Variants in ACVR1 observed in about 807,000 individuals in gnomAD.
ACVR1 encodes the protein activin receptor type-1.
A neutral mutation model predicts 57.1 loss-of-function variants in ACVR1; 38 were observed. That is an observed-to-expected ratio of 0.67 (90% CI 0.51 to 0.87). The LOEUF (loss-of-function observed/expected upper bound fraction) is 0.87. Among genes scored for constraint, ACVR1 ranks in the 40% least tolerant of loss-of-function variants. ACVR1 has a pLI of 0.00. For synonymous variants in ACVR1, 212 were observed against 228.1 expected, an observed-to-expected ratio of 0.93 and a Z score of 0.63; for missense variants, 463 against 638.2, an observed-to-expected ratio of 0.73 and a Z score of 2.96.
rs112913497 is a variant in ACVR1 at position 157,743,575 on chromosome 2, G to A, written c.1265-5005C>T. Among the ~76,000 whole-genome samples the A allele has an allele frequency of 4.2e-3, 642 of 151,642 alleles. 4 individuals carry two copies. The highest frequency in any genetic ancestry group is 7.5e-3 in the Non-Finnish European group (511 of 67,912). ...AGGTTAGATGCATTTGCCAAATTTG[G>A]AACTTTTTACATTTTATAAAGGTAA... On this transcript the variant is annotated intron_variant, in intron 9 of 10. Coordinates refer to ENST00000434821, the MANE Select transcript of ACVR1 (RefSeq NM_001111067.4).
intron 1 of ACVR1, among the ~76,000 whole-genome samples, chr2:157,833,919 C>T (rs1688678701): frequency 6.6e-6 from 1 of 152,046 alleles, no homozygotes; most frequent in African/African-American, 2.4e-5. Flanking sequence ...GCCAGCACTG[C>T]TGTGCACTCA....
At chr2:157,873,174 T>A (rs981699086) in intron 1 of ACVR1, among the ~76,000 whole-genome samples, 10 of 152,140 alleles carry the variant, frequency 6.6e-5, no homozygotes, top group Admixed American at 6.5e-5. Flanking sequence ...AGTATGTGAG[T>A]GAATGAACTT....
intron 9 of ACVR1, among the ~76,000 whole-genome samples, chr2:157,748,437 G>A (rs75247022): frequency 6.6e-5 from 10 of 152,288 alleles, no homozygotes; most frequent in Non-Finnish European, 1.3e-4. Context: ...GTTCGAAGGT[G>A]TTTAAGAATG....
chr2:157,782,488 G>GA (rs1321152571), intron 3 of ACVR1, among the ~76,000 whole-genome samples: 1 of 152,220 alleles, frequency 6.6e-6, no homozygotes, highest in African/African-American at 2.4e-5. Context: ...AAATCCGAAG[G>GA]AAATTCCAGC....
Position 157,770,530 on chromosome 2 carries a change from C to T in ACVR1, c.644-16G>A. On this transcript the variant is annotated splice_polypyrimidine_tract_variant and intron_variant, in intron 6 of 10. Coordinates refer to ENST00000434821, the MANE Select transcript of ACVR1 (RefSeq NM_001111067.4). ...CTGCCTTTCCCTATGAAAAGCAAAA[C>T]ATAGGTGACACAGAACAGTAGTCAT... 1.2e-6 allele frequency: 2 copies of T among 1,613,868 alleles called. No homozygotes were observed. Among genetic ancestry groups the T allele is most frequent in the Non-Finnish European group, 1.7e-6 (2 of 1,179,872 alleles).
At chr2:157,858,654 T>G (rs968765852) in intron 1 of ACVR1, among the ~76,000 whole-genome samples, 3 of 151,976 alleles carry the variant, frequency 2.0e-5, no homozygotes, top group African/African-American at 7.3e-5. Flanking sequence ...CTGCTAATTT[T>G]TCTATTTTTG....
At chr2:157,767,178 C>T (rs1685896070) in intron 7 of ACVR1, among the ~76,000 whole-genome samples, 1 of 151,982 alleles carries the variant, frequency 6.6e-6, no homozygotes, top group Non-Finnish European at 1.5e-5. Context: ...ATTACAGGGG[C>T]CCACCATCAC....
chr2:157,858,640 C>T (rs1030290415), intron 1 of ACVR1, among the ~76,000 whole-genome samples: 7 of 151,840 alleles, frequency 4.6e-5, no homozygotes, highest in African/African-American at 1.2e-4. Flanking sequence ...ATAACCATTA[C>T]GCCCTGCTAA....
chr2:157,771,227 G>A (rs1323014105), intron 6 of ACVR1, among the ~76,000 whole-genome samples: 1 of 152,194 alleles, frequency 6.6e-6, no homozygotes. Context: ...CTGGTCATGG[G>A]TATTTGTTTG....
Position 157,737,380 on chromosome 2 carries a change from A to G in ACVR1, c.*151T>C, listed in dbSNP as rs564603454. On this transcript the variant is annotated 3_prime_UTR_variant, in exon 11 of 11. Coordinates refer to ENST00000434821, the MANE Select transcript of ACVR1 (RefSeq NM_001111067.4). ...AGGGTGGTTTTGATGTCTCCCCAAC[A>G]CATGGCTGGGTACGACGTCTGCCTT... The G allele has an allele frequency of 1.9e-6, 2 of 1,032,186 alleles. No individual in the cohort carries two copies. Among genetic ancestry groups the G allele is most frequent in the Admixed American group, 4.0e-5 (2 of 50,066 alleles). 63.9% of individuals were successfully genotyped at this position (1,032,186 alleles called of 1,614,324 possible).
rs185217461 is a variant in ACVR1, at chr2:157,858,554, C to A, written c.-183+17242G>T. Reference sequence around the variant, plus strand: ...TGGCGCAACCTTGGCTCACTGCAACCTCCATCTTGAGGGTTCAAGAGATTC... The same window carrying A: ...TGGCGCAACCTTGGCTCACTGCAACATCCATCTTGAGGGTTCAAGAGATTC... On this transcript the variant is annotated intron_variant, in intron 1 of 10. Transcript: ENST00000434821. 2.0e-5 allele frequency among the ~76,000 whole-genome samples: 3 copies of A among 152,320 alleles called. No homozygotes were observed. The East Asian group carries it at 5.8e-4, about 29-fold the overall frequency.
intron 3 of ACVR1, among the ~76,000 whole-genome samples, chr2:157,792,317 A>C (rs1025195181): frequency 5.9e-5 from 9 of 152,194 alleles, no homozygotes; most frequent in African/African-American, 2.2e-4. Flanking sequence ...CCATGGCTCT[A>C]GGAAACACCC....
At chr2:157,850,247 A>AG (rs1689249748) in intron 1 of ACVR1, among the ~76,000 whole-genome samples, 1 of 151,986 alleles carries the variant, frequency 6.6e-6, no homozygotes, top group South Asian at 2.1e-4. Flanking sequence ...AAACTTAGCT[A>AG]GGTGTGGTGG....
chr2:157,871,244 C>G (rs1690104241), intron 1 of ACVR1, among the ~76,000 whole-genome samples: 1 of 152,138 alleles, frequency 6.6e-6, no homozygotes, highest in Admixed American at 6.5e-5. Flanking sequence ...ATGATAAAAC[C>G]TAGGAGACTG....
chr2:157,798,450 G>A (rs1327342632), intron 3 of ACVR1, among the ~76,000 whole-genome samples: 2 of 146,572 alleles, frequency 1.4e-5, no homozygotes, highest in Admixed American at 7.2e-5. Flanking sequence ...GTGCAAGCAT[G>A]TATTACTTCA....
chr2:157,760,125 T>C (rs1685584911), intron 9 of ACVR1, among the ~76,000 whole-genome samples: 1 of 152,258 alleles, frequency 6.6e-6, no homozygotes, highest in East Asian at 1.9e-4. Flanking sequence ...AGAAATAAAA[T>C]ACATTCAATG....
At chr2:157,795,975 G>A (rs915246492) in intron 3 of ACVR1, among the ~76,000 whole-genome samples, 1 of 152,116 alleles carries the variant, frequency 6.6e-6, no homozygotes, top group Non-Finnish European at 1.5e-5. Flanking sequence ...TGTAATCCCA[G>A]CACACTGGGA....
At chr2:157,771,059 G>A (rs1490702581) in intron 6 of ACVR1, among the ~76,000 whole-genome samples, 1 of 152,096 alleles carries the variant, frequency 6.6e-6, no homozygotes, top group Non-Finnish European at 1.5e-5. Flanking sequence ...GTGTTCTAAG[G>A]ATTAAAAAAC....
intron 2 of ACVR1, among the ~76,000 whole-genome samples, chr2:157,805,813 CTTTT>C (rs1365895953): frequency 2.1e-5 from 2 of 96,886 alleles, no homozygotes; most frequent in African/African-American, 3.1e-5. Context: ...TTTTTTTTTT[CTTTT>C]TTCTTTTTTT....
Sources: gnomAD v4.1 joint callset for allele counts (sites outside exome capture counted in the v4.1 genomes callset) on GRCh38, gnomAD v4.1.1 for gene constraint, MANE v1.5 for transcripts, NCBI Gene and HGNC (gene_info 2026-07-23, HGNC 2026-07-21) for gene names.